ZHX2: variants seen among roughly 807,000 people sequenced by gnomAD.
ZHX2 encodes the protein zinc fingers and homeoboxes protein 2.
In ZHX2, 6 loss-of-function variants were observed where a neutral mutation model predicts 21.9. The ratio of observed to expected loss-of-function variants is 0.27; its 90% confidence interval spans 0.15 to 0.54. The LOEUF (loss-of-function observed/expected upper bound fraction) is 0.54. ZHX2 is among the 20% of genes least tolerant of loss of function. ZHX2 has a pLI of 0.95. For missense variants in ZHX2, 908 were observed against 1,090.7 expected (o/e 0.83, Z 2.36); for synonymous variants, 434 against 437.1 (o/e 0.99, Z 0.09).
intron 2 of ZHX2, among the ~76,000 whole-genome samples, chr8:122,873,717 G>A (rs1246476455): frequency 5.3e-5 from 8 of 152,154 alleles, no homozygotes; most frequent in Non-Finnish European, 1.2e-4. Flanking sequence ...GTCATAGTCC[G>A]AAATGGGTCT....
intron 1 of ZHX2, chr8:122,807,612 TG>T (rs1292663459): frequency 6.6e-6 from 1 of 152,188 alleles, no homozygotes; most frequent in Non-Finnish European, 1.5e-5. Context: ...GAGACTGTGG[TG>T]GGTGGTGAGC....
chr8:122,920,284 CA>C (rs200454155), intron 2 of ZHX2, among the ~76,000 whole-genome samples: 2,152 of 147,860 alleles, frequency 0.015, 49 homozygotes, highest in Admixed American at 0.058. Context: ...CAAAAACAAA[CA>C]AAAAAAAAAT....
chr8:122,963,510 T>C (rs1256345159), intron 3 of ZHX2, among the ~76,000 whole-genome samples: 1 of 152,218 alleles, frequency 6.6e-6, no homozygotes, highest in African/African-American at 2.4e-5. Context: ...TACTATGCTG[T>C]TTTGGTAACT....
chr8:122,822,201 T>C (rs1031019206), intron 1 of ZHX2, among the ~76,000 whole-genome samples: 1 of 152,162 alleles, frequency 6.6e-6, no homozygotes, highest in Non-Finnish European at 1.5e-5. Context: ...GTATCATAAC[T>C]TACCCCACGA....
intron 2 of ZHX2, among the ~76,000 whole-genome samples, chr8:122,938,801 G>A (rs1176229342): frequency 6.6e-6 from 1 of 151,792 alleles, no homozygotes; most frequent in Admixed American, 6.6e-5. Flanking sequence ...TCACACCACT[G>A]CACTCCAGCC....
chr8:122,900,622 A>G (rs1031166818), intron 2 of ZHX2, among the ~76,000 whole-genome samples: 1 of 152,182 alleles, frequency 6.6e-6, no homozygotes, highest in Admixed American at 6.5e-5. Flanking sequence ...GCTCAGTGAC[A>G]TTCAATATAC....
intron 2 of ZHX2, among the ~76,000 whole-genome samples, chr8:122,937,257 C>A (rs186615983): frequency 1.3e-5 from 2 of 152,356 alleles, no homozygotes; most frequent in African/African-American, 4.8e-5. Flanking sequence ...TGGGGCATAG[C>A]AGACTCCAGG....
chr8:122,911,320 G>T (rs146413398), intron 2 of ZHX2, among the ~76,000 whole-genome samples: 1 of 152,040 alleles, frequency 6.6e-6, no homozygotes, highest in Non-Finnish European at 1.5e-5. Flanking sequence ...GTGGAGTTGC[G>T]TGGGGCCAGC....
At chr8:122,811,313 C>T (rs536284640) in intron 1 of ZHX2, among the ~76,000 whole-genome samples, 1 of 152,166 alleles carries the variant, frequency 6.6e-6, no homozygotes, top group Admixed American at 6.5e-5. Flanking sequence ...CCCAGGAGGT[C>T]GAGGCTGCAG....
intron 1 of ZHX2, among the ~76,000 whole-genome samples, chr8:122,801,339 T>C (rs972280296): frequency 6.6e-6 from 1 of 152,190 alleles, no homozygotes; most frequent in African/African-American, 2.4e-5. Context: ...TTCTGTGACA[T>C]GGAGTTTCAT....
At chr8:122,860,054 A>G (rs1344787013) in intron 1 of ZHX2, among the ~76,000 whole-genome samples, 2 of 152,206 alleles carry the variant, frequency 1.3e-5, no homozygotes, top group East Asian at 3.8e-4. Flanking sequence ...TAATTGACTC[A>G]CAGTTCAGCA....
chr8:122,955,473 G>A (rs937660539), intron 3 of ZHX2, among the ~76,000 whole-genome samples: 3 of 152,140 alleles, frequency 2.0e-5, no homozygotes, highest in Non-Finnish European at 2.9e-5. Context: ...GGCTGACCAC[G>A]TCGCTCATTA....
chr8:122,926,020 A>C (rs1468359473), intron 2 of ZHX2, among the ~76,000 whole-genome samples: 1 of 152,146 alleles, frequency 6.6e-6, no homozygotes, highest in Non-Finnish European at 1.5e-5. Context: ...TAACAGAGGA[A>C]CTGAATGGGA....
chr8:122,967,240 A>G (rs947299493), intron 3 of ZHX2, among the ~76,000 whole-genome samples: 7 of 152,234 alleles, frequency 4.6e-5, no homozygotes, highest in African/African-American at 1.7e-4. Context: ...TCATATTACC[A>G]GAATTACTTT....
intron 2 of ZHX2, among the ~76,000 whole-genome samples, chr8:122,875,169 A>T (rs1410231507): frequency 0.014 from 385 of 28,344 alleles, 39 homozygotes; most frequent in African/African-American, 0.038. Context: ...ATATATATAT[A>T]TATATATATA....
chr8:122,839,954 A>G (rs891485071), intron 1 of ZHX2, among the ~76,000 whole-genome samples: 1 of 152,116 alleles, frequency 6.6e-6, no homozygotes, highest in Non-Finnish European at 1.5e-5. Flanking sequence ...AGGTTGAGAA[A>G]TATATATTCT....
At chr8:122,816,728 A>G (rs1041620460) in intron 1 of ZHX2, among the ~76,000 whole-genome samples, 10 of 152,136 alleles carry the variant, frequency 6.6e-5, no homozygotes, top group African/African-American at 1.7e-4. Flanking sequence ...ATTTTCAGAA[A>G]GGTTTTTCCA....
intron 1 of ZHX2, among the ~76,000 whole-genome samples, chr8:122,796,170 C>T (rs561940929): frequency 4.5e-5 from 5 of 110,332 alleles, no homozygotes; most frequent in African/African-American, 1.4e-4. Flanking sequence ...GACTCCATCT[C>T]AAAAAAAAAA....
At chr8:122,839,737 T>C (rs1818584429) in intron 1 of ZHX2, among the ~76,000 whole-genome samples, 1 of 152,198 alleles carries the variant, frequency 6.6e-6, no homozygotes, top group Non-Finnish European at 1.5e-5. Flanking sequence ...TTTGGTTTTG[T>C]TTTTGCTTCG....
Sources: allele counts gnomAD v4.1 joint callset (sites outside exome capture counted in the v4.1 genomes callset), GRCh38; gene constraint gnomAD v4.1.1; transcripts MANE v1.5; gene names NCBI Gene and HGNC (gene_info 2026-07-23, HGNC 2026-07-21).